The following TEKT5 variants were observed in gnomAD, a reference collection of about 807,000 sequenced individuals.
The protein encoded by TEKT5 is tektin-5.
A neutral mutation model predicts 48.7 loss-of-function variants in TEKT5; 52 were observed. The ratio of observed to expected loss-of-function variants is 1.07; its 90% CI spans 0.86 to 1.35. The LOEUF (loss-of-function observed/expected upper bound fraction) is 1.35, where lower values mean the gene tolerates loss of function less well. Among genes scored for constraint, TEKT5 ranks in the 40% most tolerant of loss-of-function variants. The pLI, the probability that TEKT5 is intolerant of heterozygous loss-of-function variation, is 0.00. For synonymous variants in TEKT5, 318 were observed against 267.6 expected (o/e 1.19, Z -1.84); for missense variants, 831 against 641.6 (o/e 1.30, Z -3.19).
intron 4 of TEKT5, 107 bp from the exon 5 acceptor site, chr16:10,676,288 G>C: frequency 9.4e-7 from 1 of 1,069,230 alleles, no homozygotes; most frequent in Non-Finnish European, 1.4e-6. Flanking sequence ...TCTCTGTCCT[G>C]TGCATTGTAG....
chr16:10,689,205 TA>T, intron 3 of TEKT5, 47 bp downstream of exon 3: 1 of 1,529,062 alleles, frequency 6.5e-7, no homozygotes. Flanking sequence ...CTGAGAGTCC[TA>T]AAACAAACCC....
At chr16:10,645,378 G>C (rs1367519160) in intron 5 of TEKT5, among the ~76,000 whole-genome samples, 1 of 152,016 alleles carries the variant, frequency 6.6e-6, no homozygotes, top group Non-Finnish European at 1.5e-5. Flanking sequence ...CAGGTGTGGT[G>C]GTTTGCACCT....
chr16:10,666,618 T>C (rs1898461572), intron 5 of TEKT5, among the ~76,000 whole-genome samples: 2 of 152,118 alleles, frequency 1.3e-5, no homozygotes, highest in East Asian at 3.9e-4. Flanking sequence ...TCTAAGAAAA[T>C]GCAGACTGCA....
At chr16:10,683,321 T>A (rs547059623) in intron 3 of TEKT5, among the ~76,000 whole-genome samples, 8 of 135,288 alleles carry the variant, frequency 5.9e-5, no homozygotes, top group African/African-American at 2.2e-4. Context: ...TTGGGTGGGG[T>A]CAGGGACTGG....
intron 2 of TEKT5, 50 bp from the exon 3 acceptor site, chr16:10,689,373 C>A: frequency 6.7e-7 from 1 of 1,492,656 alleles, no homozygotes; most frequent in South Asian, 1.1e-5. Flanking sequence ...ACCTCACAGT[C>A]TTCTCTCCCA....
At chr16:10,653,458 GCA>G (rs1238976627) in intron 5 of TEKT5, among the ~76,000 whole-genome samples, 2 of 152,258 alleles carry the variant, frequency 1.3e-5, no homozygotes, top group East Asian at 3.8e-4. Flanking sequence ...CTCTACAGTT[GCA>G]CAGATGTAGG....
At chr16:10,631,791 C>G (rs764012087) in intron 6 of TEKT5, among the ~76,000 whole-genome samples, 1 of 152,132 alleles carries the variant, frequency 6.6e-6, no homozygotes, top group Non-Finnish European at 1.5e-5. Flanking sequence ...GACAGCCCTC[C>G]GGAGCTGGGA....
chr16:10,675,622 G>C (rs540580611), intron 5 of TEKT5, among the ~76,000 whole-genome samples: 1 of 152,278 alleles, frequency 6.6e-6, no homozygotes, highest in East Asian at 1.9e-4. Context: ...AAGTGGCAGA[G>C]ACTATGGTGT....
chr16:10,669,300 C>CAAA (rs34296979), intron 5 of TEKT5, among the ~76,000 whole-genome samples: 6 of 148,886 alleles, frequency 4.0e-5, no homozygotes, highest in East Asian at 2.0e-4. Flanking sequence ...ACTAAATATA[C>CAAA]AAAAAAAAAA....
intron 5 of TEKT5, among the ~76,000 whole-genome samples, chr16:10,655,445 G>C (rs1409266377): frequency 6.6e-6 from 1 of 152,052 alleles, no homozygotes; most frequent in Non-Finnish European, 1.5e-5. Context: ...ATATTTTTAA[G>C]GCCTGCCATA....
intron 3 of TEKT5, among the ~76,000 whole-genome samples, chr16:10,684,222 T>C (rs1346623964): frequency 6.6e-6 from 1 of 152,192 alleles, no homozygotes; most frequent in Non-Finnish European, 1.5e-5. Flanking sequence ...AGTGAGGGTA[T>C]GTCAGACACC....
At chr16:10,668,161 G>C (rs2541509) in intron 5 of TEKT5, among the ~76,000 whole-genome samples, 51,779 of 151,934 alleles carry the variant, frequency 0.34, 9,982 homozygotes, top group East Asian at 0.54. Flanking sequence ...TTACAGATGT[G>C]AGCCACCACA....
chr16:10,683,858 G>A (rs1185923993), intron 3 of TEKT5, among the ~76,000 whole-genome samples: 3 of 152,222 alleles, frequency 2.0e-5, no homozygotes, highest in Non-Finnish European at 4.4e-5. Context: ...TTCCCAAAGT[G>A]CTGGGATTAT....
At chr16:10,694,256 G>C in intron 1 of TEKT5, 54 bp downstream of exon 1, 6 of 1,495,014 alleles carry the variant, frequency 4.0e-6, no homozygotes, top group African/African-American at 1.4e-5. Flanking sequence ...AGCAGAATGA[G>C]CGTGCAGTAT....
intron 5 of TEKT5, among the ~76,000 whole-genome samples, chr16:10,664,423 C>T (rs1455005990): frequency 6.6e-6 from 1 of 152,236 alleles, no homozygotes; most frequent in African/African-American, 2.4e-5. Flanking sequence ...TGAGAACGTG[C>T]ATTTCTAACA....
intron 5 of TEKT5, among the ~76,000 whole-genome samples, chr16:10,638,739 C>T (rs1897950047): frequency 6.6e-6 from 1 of 152,200 alleles, no homozygotes; most frequent in East Asian, 1.9e-4. Context: ...AGTGAGTCAA[C>T]ATCTTTGACC....
chr16:10,653,296 C>T (rs912318379), intron 5 of TEKT5, among the ~76,000 whole-genome samples: 2 of 152,176 alleles, frequency 1.3e-5, no homozygotes, highest in African/African-American at 2.4e-5. Flanking sequence ...GTGGCGTAGA[C>T]GGCTCACCTC....
intron 5 of TEKT5, among the ~76,000 whole-genome samples, chr16:10,641,657 C>A (rs2541536): frequency 2.0e-5 from 3 of 151,876 alleles, no homozygotes; most frequent in Admixed American, 6.6e-5. Context: ...CTTGTCTCCA[C>A]GAAAAATAGA....
At position 10,656,964 on chromosome 16, in the gene TEKT5, C is replaced by A. The variant is rs147931970; in HGVS notation, c.1086+18995G>T. Among the ~76,000 whole-genome samples, 401 of 152,166 alleles carry A rather than the reference C, an allele frequency of 2.6e-3. 3 individuals carry two copies. Among genetic ancestry groups the A allele is most frequent in the African/African-American group, 9.2e-3 (382 of 41,524 alleles). ...AGATTGCCCAAGCTGGTCTTGAACT[C>A]CTGGGCTCAAGTGATCCTCCCACCA... is the stretch of plus-strand genomic sequence containing the variant. On this transcript the variant is annotated intron_variant, in intron 5 of 6. Coordinates refer to ENST00000283025, the MANE Select transcript of TEKT5 (RefSeq NM_144674.2).
Sources: gnomAD v4.1 joint callset for allele counts (sites outside exome capture counted in the v4.1 genomes callset) on GRCh38, gnomAD v4.1.1 for gene constraint, MANE v1.5 for transcripts, NCBI Gene and HGNC (gene_info 2026-07-23, HGNC 2026-07-21) for gene names.